The following FZD7 variants were observed in gnomAD, a reference collection of about 807,000 sequenced individuals.
The protein encoded by FZD7 is frizzled class receptor 7.
In FZD7, 21 loss-of-function variants were observed where a neutral mutation model predicts 39.0. That is an observed-to-expected ratio of 0.54 (90% confidence interval 0.38 to 0.78). The LOEUF (loss-of-function observed/expected upper bound fraction) is 0.78. FZD7 is among the 30% of genes least tolerant of loss of function. The probability of loss-of-function intolerance (pLI) is 0.00; values close to 1 mark genes in which losing one functional copy is unlikely to be tolerated. For missense variants in FZD7, 695 were observed against 805.0 expected (o/e 0.86, Z 1.65); for synonymous variants, 428 against 364.9 (o/e 1.17, Z -1.97).
In FZD7 at chr2:202,034,598, GC is replaced by G; in HGVS notation, c.-48del. ...CCCCGCATCCAAGCCTCTCCCAACC[GC>G]CTCGTCGCACTCCTCAGGCTGAGAG... On this transcript the variant is annotated 5_prime_UTR_variant, in exon 1 of 1. It removes the in-frame stop codon of an upstream open reading frame in the 5' UTR. Coordinates refer to ENST00000286201, the MANE Select transcript of FZD7 (RefSeq NM_003507.2). The G allele has an allele frequency of 2.1e-6, 3 of 1,461,970 alleles. No homozygotes were observed. The highest frequency in any genetic ancestry group is 2.7e-6 in the Non-Finnish European group (3 of 1,108,590). 90.6% of individuals were successfully genotyped at this position (1,461,970 alleles called of 1,614,324 possible). A position where few individuals can be genotyped will look rare whatever the true frequency, so the allele number is the denominator to read the frequency against.
rs1450019767 is a variant in FZD7 at position 202,034,331 on chromosome 2, T to G, written c.-317T>G. ...GAAGGGTGCCGGAGCCGCTTGTTGCTCCTCGCGGCGGAGGGAGCCGCACCG... is the reference window on the plus strand; with the variant it reads ...GAAGGGTGCCGGAGCCGCTTGTTGCGCCTCGCGGCGGAGGGAGCCGCACCG... On this transcript the variant is annotated 5_prime_UTR_variant, in exon 1 of 1. Coordinates refer to ENST00000286201, the MANE Select transcript of FZD7 (RefSeq NM_003507.2). Among the ~76,000 whole-genome samples, 4 of 151,708 alleles carry G rather than the reference T, an allele frequency of 2.6e-5. No individual in the cohort carries two copies. Among genetic ancestry groups the G allele is most frequent in the African/African-American group, 9.7e-5 (4 of 41,370 alleles).
At position 202,035,466 on chromosome 2, in the gene FZD7, C is replaced by T. The variant is rs199969139; in HGVS notation, c.819C>T (p.Leu273=). 1 of 1,614,184 alleles carries T rather than the reference C, an allele frequency of 6.2e-7. No homozygotes were observed. The highest frequency in any genetic ancestry group is 1.1e-5 in the South Asian group (1 of 91,090). Residue 273 remains leucine (L), a synonymous_variant, in exon 1 of 1, where the codon CTC becomes CTT. Coordinates refer to ENST00000286201, the MANE Select transcript of FZD7 (RefSeq NM_003507.2). ...LCCASTLFTV[L]TYLVDMRRFS... ...GCGCCTCGACGCTCTTTACCGTTCT[C>T]ACCTACCTGGTGGACATGCGGCGCT... is the stretch of plus-strand genomic sequence containing the variant.
In FZD7 at chr2:202,035,833, A is replaced by C. The variant is rs1291635079; in HGVS notation, c.1186A>C (p.Ile396Leu). The C allele has an allele frequency of 3.1e-6, 5 of 1,613,774 alleles. No individual in the cohort carries two copies. The highest frequency in any genetic ancestry group is 4.2e-6 in the Non-Finnish European group (5 of 1,179,918). Residue 396 changes from isoleucine to leucine, a missense_variant, in exon 1 of 1, where the codon ATC (isoleucine) becomes CTC (leucine). Ile to Leu is a conservative substitution (Grantham distance 5, BLOSUM62 2). Transcript: ENST00000286201. ...CGTGCCCGCCGTCAAGACCATCACT[A>C]TCCTGGCCATGGGCCAGGTAGACGG... The part of the protein sequence containing the change: ...WAVPAVKTIT[I>L]LAMGQVDGDL...
chr2:202,034,970 C>CTT lies in FZD7; in HGVS notation c.323_324insTT (p.Val109SerfsTer28). Reference sequence around the variant, plus strand: ...TTTTTCTTATGCTCCATGTATGCGCCCGTGTGCACCGTGCTCGATCAGGCC... The same window carrying CTT: ...TTTTTCTTATGCTCCATGTATGCGCCTTCGTGTGCACCGTGCTCGATCAGGCC... On this transcript the variant is annotated frameshift_variant, in exon 1 of 1. Transcript: ENST00000286201. LOFTEE classifies it high-confidence loss of function. The CTT allele has an allele frequency of 6.2e-7, 1 of 1,614,074 alleles. No individual in the cohort carries two copies. The highest frequency in any genetic ancestry group is 8.5e-7 in the Non-Finnish European group (1 of 1,180,036).
In FZD7 at chr2:202,036,397, CA is replaced by C; in HGVS notation, c.*26del. ...AGCCCCGGCCCCTCCCCACCTTTCC[CA>C]CCCCAGCCCTCTTGCAAGAGGAGAG... On this transcript the variant is annotated 3_prime_UTR_variant, in exon 1 of 1. Coordinates refer to ENST00000286201, the MANE Select transcript of FZD7 (RefSeq NM_003507.2). The C allele has an allele frequency of 6.4e-7, 1 of 1,558,000 alleles. No homozygotes were observed.
At position 202,036,459 on chromosome 2, in the gene FZD7, G is replaced by C. The variant is rs1574986304; in HGVS notation, c.*87G>C. On this transcript the variant is annotated 3_prime_UTR_variant, in exon 1 of 1. Transcript: ENST00000286201. Reference sequence around the variant, plus strand: ...GAAAAGAACTGCTGGGTGGGGGCCTGTTTCTGTAACTTTCTCCCCCTCTAC... The same window carrying C: ...GAAAAGAACTGCTGGGTGGGGGCCTCTTTCTGTAACTTTCTCCCCCTCTAC... The C allele has an allele frequency of 2.9e-6, 3 of 1,051,586 alleles. No individual in the cohort carries two copies. The highest frequency in any genetic ancestry group is 4.2e-6 in the Non-Finnish European group (3 of 721,398). 65.1% of individuals were successfully genotyped at this position (1,051,586 alleles called of 1,614,324 possible).
rs1688765238 is a variant in FZD7 at position 202,037,467 on chromosome 2, C to T, written c.*1095C>T. The T allele has an allele frequency of 6.0e-6, 1 of 167,096 alleles. No individual in the cohort carries two copies. Among genetic ancestry groups the T allele is most frequent in the Non-Finnish European group, 1.5e-5 (1 of 68,126 alleles). 10.4% of individuals were successfully genotyped at this position (167,096 alleles called of 1,614,324 possible). ...AAGGAAATGTAAGAGGTTTTGTTGTCTGTTTTAAATAAATTTAATTCGGAA... is the reference window on the plus strand; with the variant it reads ...AAGGAAATGTAAGAGGTTTTGTTGTTTGTTTTAAATAAATTTAATTCGGAA... On this transcript the variant is annotated 3_prime_UTR_variant, in exon 1 of 1. Transcript: ENST00000286201.
At position 202,034,603 on chromosome 2, in the gene FZD7, G is replaced by A; in HGVS notation, c.-45G>A. 6.8e-7 allele frequency: 1 copy of A among 1,478,244 alleles called. No individual in the cohort carries two copies. Among genetic ancestry groups the A allele is most frequent in the Non-Finnish European group, 8.9e-7 (1 of 1,122,388 alleles). The allele number at this position is 1,478,244 out of a possible 1,614,324, so 91.6% of individuals were successfully genotyped here. ...CATCCAAGCCTCTCCCAACCGCCTC[G>A]TCGCACTCCTCAGGCTGAGAGCACC... On this transcript the variant is annotated 5_prime_UTR_variant, in exon 1 of 1. Coordinates refer to ENST00000286201, the MANE Select transcript of FZD7 (RefSeq NM_003507.2).
In FZD7 at chr2:202,035,991, C is replaced by G. The variant is rs1559184707; in HGVS notation, c.1344C>G (p.Phe448Leu). 2 of 1,614,218 alleles carry G rather than the reference C, an allele frequency of 1.2e-6. No homozygotes were observed. Among genetic ancestry groups the G allele is most frequent in the Non-Finnish European group, 1.7e-6 (2 of 1,180,046 alleles). Residue 448 changes from phenylalanine (F) to leucine (L), a missense_variant, in exon 1 of 1, where the codon TTC becomes TTG. By Grantham distance (22) the Phe-to-Leu change is conservative. Transcript: ENST00000286201. ...TGCTGGCCGGCTTCGTGTCCCTCTT[C>G]CGTATCCGCACCATCATGAAACACG... ...SFLLAGFVSLFRIRTIMKHDG... is the reference protein window; with the variant it reads ...SFLLAGFVSLLRIRTIMKHDG...
rs760315704 is a variant in FZD7 at position 202,034,860 on chromosome 2, G to A, written c.213G>A (p.Leu71=). 3 of 1,614,178 alleles carry A rather than the reference G, an allele frequency of 1.9e-6. No individual in the cohort carries two copies. In the South Asian group the frequency reaches 3.3e-5, roughly 18 times the overall value. ...AYNQTILPNL[L]GHTNQEDAGL... is the part of the protein sequence containing the mutation. ...ACCAGACCATCCTGCCCAACCTGCTGGGCCACACGAACCAAGAGGACGCGG... is the reference window on the plus strand; with the variant it reads ...ACCAGACCATCCTGCCCAACCTGCTAGGCCACACGAACCAAGAGGACGCGG... The change falls in exon 1 of 1, where the codon CTG becomes CTA. Residue 71 remains leucine, a synonymous_variant. Coordinates refer to ENST00000286201, the MANE Select transcript of FZD7 (RefSeq NM_003507.2).
At position 202,038,373 on chromosome 2, in the gene FZD7, G is replaced by T; in HGVS notation, c.*2001G>T. On this transcript the variant is annotated 3_prime_UTR_variant, in exon 1 of 1. Transcript: ENST00000286201. ...CATTTTTACTTTGGATTTTTGTTTT[G>T]TTGGCTTTAAAGGTCTACCCCACTT... 1 of 165,104 alleles carries T rather than the reference G, an allele frequency of 6.1e-6. No homozygotes were observed. The allele number at this position is 165,104 out of a possible 1,614,324, so 10.2% of individuals were successfully genotyped here.
In FZD7 at chr2:202,035,827, A is replaced by G. The variant is rs149352549; in HGVS notation, c.1180A>G (p.Ile394Val). 1 of 1,614,090 alleles carries G rather than the reference A, an allele frequency of 6.2e-7. No homozygotes were observed. Among genetic ancestry groups the G allele is most frequent in the Non-Finnish European group, 8.5e-7 (1 of 1,180,006 alleles). ...AAWAVPAVKT[I>V]TILAMGQVDG... ...GTGGGCCGTGCCCGCCGTCAAGACC[A>G]TCACTATCCTGGCCATGGGCCAGGT... The change falls in exon 1 of 1, where the codon ATC (isoleucine) becomes GTC (valine). Residue 394 changes from isoleucine to valine, a missense_variant. Ile to Val is a conservative substitution (Grantham distance 29). Transcript: ENST00000286201.
chr2:202,035,934 G>T lies in FZD7; in HGVS notation c.1287G>T (p.Leu429=). Reference sequence around the variant, plus strand: ...TGCGGGGCTTCGTGCTGGCGCCTCTGTTCGTCTACCTCTTCATAGGCACGT... The same window carrying T: ...TGCGGGGCTTCGTGCTGGCGCCTCTTTTCGTCTACCTCTTCATAGGCACGT... ...DALRGFVLAP[L]FVYLFIGTSF... The change falls in exon 1 of 1, where the codon CTG becomes CTT. Residue 429 remains leucine, a synonymous_variant. Coordinates refer to ENST00000286201, the MANE Select transcript of FZD7 (RefSeq NM_003507.2). The T allele has an allele frequency of 6.2e-7, 1 of 1,614,144 alleles. No homozygotes were observed. The highest frequency in any genetic ancestry group is 8.5e-7 in the Non-Finnish European group (1 of 1,180,022).
In FZD7 at chr2:202,036,442, C is replaced by A; in HGVS notation, c.*70C>A. 8.3e-7 allele frequency: 1 copy of A among 1,206,322 alleles called. No individual in the cohort carries two copies. Among genetic ancestry groups the A allele is most frequent in the Non-Finnish European group, 1.2e-6 (1 of 846,704 alleles). The allele number at this position is 1,206,322 out of a possible 1,614,324, so 74.7% of individuals were successfully genotyped here. On this transcript the variant is annotated 3_prime_UTR_variant, in exon 1 of 1. Transcript: ENST00000286201. ...AGGAGAGGCACGGTAGGGAAAAGAA[C>A]TGCTGGGTGGGGGCCTGTTTCTGTA...
chr2:202,035,444 C>G lies in FZD7; in HGVS notation c.797C>G (p.Ala266Gly), dbSNP rs1688723006. Residue 266 changes from alanine (A) to glycine (G), a missense_variant, in exon 1 of 1, where the codon GCC (alanine) becomes GGC (glycine). Coordinates refer to ENST00000286201, the MANE Select transcript of FZD7 (RefSeq NM_003507.2). Reference protein sequence around the residue: ...WVGVWSVLCCASTLFTVLTYL... With the variant: ...WVGVWSVLCCGSTLFTVLTYL... ...GGCGTGTGGTCCGTGCTGTGCTGCG[C>G]CTCGACGCTCTTTACCGTTCTCACC... is the stretch of plus-strand genomic sequence containing the variant. 6.2e-7 allele frequency: 1 copy of G among 1,613,954 alleles called. No homozygotes were observed. The highest frequency in any genetic ancestry group is 8.5e-7 in the Non-Finnish European group (1 of 1,180,004).
chr2:202,034,368 C>T lies in FZD7; in HGVS notation c.-280C>T, dbSNP rs1016510008. Among the ~76,000 whole-genome samples the T allele has an allele frequency of 1.8e-4, 27 of 151,724 alleles. No individual in the cohort carries two copies. Among genetic ancestry groups the T allele is most frequent in the Non-Finnish European group, 4.0e-4 (27 of 67,904 alleles). On this transcript the variant is annotated 5_prime_UTR_variant, in exon 1 of 1. Transcript: ENST00000286201. ...AGGGAGCCGCACCGTTACGTCCCCG[C>T]GGGGAGAGCGAGGCGGCCCTCCTCG...
Position 202,035,451 on chromosome 2 carries a change from G to T in FZD7, c.804G>T (p.Thr268=), listed in dbSNP as rs1157623835. 6.2e-7 allele frequency: 1 copy of T among 1,614,092 alleles called. No homozygotes were observed. The highest frequency in any genetic ancestry group is 1.3e-5 in the African/African-American group (1 of 75,072). The change falls in exon 1 of 1, where the codon ACG becomes ACT. Residue 268 remains threonine, a synonymous_variant. Transcript: ENST00000286201. ...GGTCCGTGCTGTGCTGCGCCTCGAC[G>T]CTCTTTACCGTTCTCACCTACCTGG... ...GVWSVLCCAS[T]LFTVLTYLVD...
rs528874438 is a variant in FZD7, at chr2:202,036,281, G to C, written c.1634G>C (p.Gly545Ala). 4.3e-6 allele frequency: 7 copies of C among 1,613,282 alleles called. No individual in the cohort carries two copies. The highest frequency in any genetic ancestry group is 1.7e-5 in the Admixed American group (1 of 60,010). ...LMTMIVGITT[G>A]FWIWSGKTLQ... ...ACCATGATCGTCGGCATCACCACTGGCTTCTGGATCTGGTCGGGCAAGACC... is the reference window on the plus strand; with the variant it reads ...ACCATGATCGTCGGCATCACCACTGCCTTCTGGATCTGGTCGGGCAAGACC... The change falls in exon 1 of 1, where the codon GGC becomes GCC. Residue 545 changes from glycine (G) to alanine (A), a missense_variant. By Grantham distance (60) the Gly-to-Ala change is moderately conservative (BLOSUM62 0). Coordinates refer to ENST00000286201, the MANE Select transcript of FZD7 (RefSeq NM_003507.2).
rs977076483 is a variant in FZD7 at position 202,033,964 on chromosome 2, C to A, written c.-684C>A. On this transcript the variant is annotated 5_prime_UTR_variant, in exon 1 of 1. Transcript: ENST00000286201. ...GGAGGGGCCGGGGCCAGGCCGCGGGCACGAGCGCCTCGCGGTTTCGGACGC... is the reference window on the plus strand; with the variant it reads ...GGAGGGGCCGGGGCCAGGCCGCGGGAACGAGCGCCTCGCGGTTTCGGACGC... Among the ~76,000 whole-genome samples the A allele has an allele frequency of 1.3e-5, 2 of 150,990 alleles. No homozygotes were observed. Among genetic ancestry groups the A allele is most frequent in the Admixed American group, 1.3e-4 (2 of 15,184 alleles).
Sources: allele counts gnomAD v4.1 joint callset (sites outside exome capture counted in the v4.1 genomes callset), GRCh38; gene constraint gnomAD v4.1.1; transcripts MANE v1.5; gene names NCBI Gene and HGNC (gene_info 2026-07-23, HGNC 2026-07-21).